Variants in SYT9 observed in about 807,000 individuals in gnomAD.
The protein encoded by SYT9 is synaptotagmin-9.
Under a neutral mutation model 48.4 loss-of-function variants are expected in SYT9, and 22 were observed. That is an observed-to-expected ratio of 0.45 (90% CI 0.32 to 0.65). The LOEUF (loss-of-function observed/expected upper bound fraction) is 0.65. Ranked by LOEUF, SYT9 falls within the 30% of genes least tolerant of loss-of-function variation. The pLI is 0.03. For missense variants in SYT9, 577 were observed against 622.0 expected, an observed-to-expected ratio of 0.93 and a Z score of 0.77; for synonymous variants, 265 against 245.0, an observed-to-expected ratio of 1.08 and a Z score of -0.76.
At chr11:7,413,858 GA>G (rs1463559428) in intron 3 of SYT9, among the ~76,000 whole-genome samples, 5 of 151,700 alleles carry the variant, frequency 3.3e-5, no homozygotes, top group Non-Finnish European at 7.4e-5. Context: ...TTAGCCTCCA[GA>G]GTAGCTAGGA....
upstream of SYT9, among the ~76,000 whole-genome samples, chr11:7,247,617 G>GTGA (rs1554895384): frequency 7.1e-6 from 1 of 140,014 alleles, no homozygotes; most frequent in African/African-American, 2.7e-5. Context: ...ACATATATAC[G>GTGA]TGTATATATA....
intron 3 of SYT9, among the ~76,000 whole-genome samples, chr11:7,386,932 ATG>A (rs1331502062): frequency 6.6e-6 from 1 of 152,230 alleles, no homozygotes; most frequent in African/African-American, 2.4e-5. Context: ...GATTAAGAAA[ATG>A]TGGCACATAT....
chr11:7,353,863 A>G (rs909590261), intron 3 of SYT9, among the ~76,000 whole-genome samples: 1 of 152,218 alleles, frequency 6.6e-6, no homozygotes, highest in Admixed American at 6.5e-5. Flanking sequence ...TTCATGTATT[A>G]TTTGACTAGT....
chr11:7,424,121 C>A (rs1847407013), intron 6 of SYT9, among the ~76,000 whole-genome samples: 1 of 152,164 alleles, frequency 6.6e-6, no homozygotes, highest in Non-Finnish European at 1.5e-5. Context: ...AGAGATCTGG[C>A]AGCCTGCTCA....
At chr11:7,278,769 A>G (rs2133898799) in intron 1 of SYT9, among the ~76,000 whole-genome samples, 1 of 152,300 alleles carries the variant, frequency 6.6e-6, no homozygotes, top group Non-Finnish European at 1.5e-5. Context: ...TCACATTCTA[A>G]TTCTTACAAG....
chr11:7,290,933 A>T (rs1848687010), intron 1 of SYT9, among the ~76,000 whole-genome samples: 1 of 152,208 alleles, frequency 6.6e-6, no homozygotes, highest in Non-Finnish European at 1.5e-5. Flanking sequence ...TATGGTCAGG[A>T]TTCAAGGAAA....
At chr11:7,247,825 T>G (rs550606414), upstream of SYT9, among the ~76,000 whole-genome samples, 35 of 152,042 alleles carry the variant, frequency 2.3e-4, no homozygotes, top group Non-Finnish European at 4.9e-4. Context: ...TGACCTCTTT[T>G]GCTCTGGGTA....
intron 3 of SYT9, among the ~76,000 whole-genome samples, chr11:7,344,578 A>G (rs1849768086): frequency 6.6e-6 from 1 of 152,166 alleles, no homozygotes; most frequent in Non-Finnish European, 1.5e-5. Flanking sequence ...ATTTTTATGT[A>G]TAGTATGATA....
intron 2 of SYT9, among the ~76,000 whole-genome samples, chr11:7,303,659 G>A (rs767006204): frequency 2.6e-5 from 4 of 152,142 alleles, no homozygotes; most frequent in Non-Finnish European, 4.4e-5. Flanking sequence ...TCACAACTTA[G>A]CATGAAATGT....
At chr11:7,288,012 G>A (rs11041297) in intron 1 of SYT9, among the ~76,000 whole-genome samples, 38,683 of 151,822 alleles carry the variant, frequency 0.25, 5,883 homozygotes, top group South Asian at 0.39. Context: ...GTTCCCAGTA[G>A]AGAGAAGCAT....
At chr11:7,267,891 ATAAG>A (rs1201008018) in intron 1 of SYT9, among the ~76,000 whole-genome samples, 11 of 152,006 alleles carry the variant, frequency 7.2e-5, no homozygotes, top group Non-Finnish European at 1.3e-4. Context: ...AGCAAAAAGA[ATAAG>A]AAAGAGGATT....
chr11:7,259,288 T>C (rs187342210), intron 1 of SYT9, among the ~76,000 whole-genome samples: 5 of 152,266 alleles, frequency 3.3e-5, no homozygotes, highest in East Asian at 3.9e-4. Context: ...TTAACACTTA[T>C]TAGTACGTAA....
chr11:7,266,653 T>C (rs1848189612), intron 1 of SYT9, among the ~76,000 whole-genome samples: 1 of 152,170 alleles, frequency 6.6e-6, no homozygotes, highest in Admixed American at 6.6e-5. Flanking sequence ...CAATCACATC[T>C]GCCTTCCCAG....
At chr11:7,386,158 G>GT (rs897140704) in intron 3 of SYT9, among the ~76,000 whole-genome samples, 6 of 151,538 alleles carry the variant, frequency 4.0e-5, no homozygotes, top group Admixed American at 6.6e-5. Flanking sequence ...TGTTTAACCT[G>GT]TTTTTTTTCT....
At chr11:7,412,059 T>TA (rs568411141) in intron 3 of SYT9, among the ~76,000 whole-genome samples, 19 of 152,142 alleles carry the variant, frequency 1.2e-4, no homozygotes, top group East Asian at 3.9e-4. Flanking sequence ...TTGGTTCTTT[T>TA]AAAAAAAATG....
chr11:7,332,149 C>A (rs528143592), intron 3 of SYT9, among the ~76,000 whole-genome samples: 1 of 152,028 alleles, frequency 6.6e-6, no homozygotes, highest in African/African-American at 2.4e-5. Context: ...AGGGAGAGAG[C>A]GAGGCAAAGG....
At chr11:7,349,946 G>C (rs923900335) in intron 3 of SYT9, among the ~76,000 whole-genome samples, 1 of 152,194 alleles carries the variant, frequency 6.6e-6, no homozygotes, top group Non-Finnish European at 1.5e-5. Flanking sequence ...AAATGAGTTT[G>C]TATCATGATT....
At chr11:7,294,679 A>G (rs1483079863) in intron 1 of SYT9, among the ~76,000 whole-genome samples, 6 of 152,204 alleles carry the variant, frequency 3.9e-5, no homozygotes, top group Non-Finnish European at 7.3e-5. Flanking sequence ...CCCCAGGCTC[A>G]CTGGGACTGA....
At chr11:7,412,451 T>C (rs1847154450) in intron 3 of SYT9, among the ~76,000 whole-genome samples, 1 of 152,230 alleles carries the variant, frequency 6.6e-6, no homozygotes, top group Non-Finnish European at 1.5e-5. Context: ...CTATAAATAG[T>C]ATCAGTGGTA....
Sources: gnomAD v4.1 joint callset for allele counts (sites outside exome capture counted in the v4.1 genomes callset) on GRCh38, gnomAD v4.1.1 for gene constraint, MANE v1.5 for transcripts, NCBI Gene and HGNC (gene_info 2026-07-23, HGNC 2026-07-21) for gene names.